The following TMEM108 variants were observed in gnomAD, a reference collection of about 807,000 sequenced individuals.
TMEM108 encodes transmembrane protein 108.
Under a neutral mutation model 35.1 loss-of-function variants are expected in TMEM108, and 12 were observed. The ratio of observed to expected loss-of-function variants is 0.34; its 90% CI spans 0.22 to 0.55. The LOEUF is 0.55. TMEM108 is among the 20% of genes least tolerant of loss of function. The pLI is 0.89. For synonymous variants in TMEM108, 287 were observed against 308.6 expected (o/e 0.93, Z 0.73); for missense variants, 680 against 753.3 (o/e 0.90, Z 1.14).
chr3:133,213,593 T>G (rs1294849268), intron 2 of TMEM108, among the ~76,000 whole-genome samples: 1 of 152,202 alleles, frequency 6.6e-6, no homozygotes, highest in Non-Finnish European at 1.5e-5. Flanking sequence ...TTGCAGTGAG[T>G]GACAGATGAA....
chr3:133,206,168 C>T (rs895683892), intron 2 of TMEM108, among the ~76,000 whole-genome samples: 1 of 152,218 alleles, frequency 6.6e-6, no homozygotes, highest in Non-Finnish European at 1.5e-5. Context: ...ATGTTCTTCT[C>T]TAAACTGGTT....
At chr3:133,239,072 A>G (rs1273384263) in intron 3 of TMEM108, among the ~76,000 whole-genome samples, 1 of 152,070 alleles carries the variant, frequency 6.6e-6, no homozygotes, top group Non-Finnish European at 1.5e-5. Context: ...ACCACAAATT[A>G]TTTTCCAAAT....
At chr3:133,262,639 G>A (rs1009402843) in intron 3 of TMEM108, among the ~76,000 whole-genome samples, 1 of 152,220 alleles carries the variant, frequency 6.6e-6, no homozygotes, top group Non-Finnish European at 1.5e-5. Context: ...GCTACTAACT[G>A]TCATTAGAGA....
chr3:133,309,762 G>A (rs1440731333), intron 3 of TMEM108, among the ~76,000 whole-genome samples: 2 of 128,076 alleles, frequency 1.6e-5, no homozygotes, highest in South Asian at 2.6e-4. Context: ...GTGCAGTGGC[G>A]GGATCTCGGC....
At chr3:133,261,503 C>A (rs966312249) in intron 3 of TMEM108, among the ~76,000 whole-genome samples, 1 of 152,196 alleles carries the variant, frequency 6.6e-6, no homozygotes, top group Non-Finnish European at 1.5e-5. Flanking sequence ...CTCTTACTTA[C>A]CTCTTCTCAC....
chr3:133,319,078 G>T (rs2071233262), intron 3 of TMEM108, among the ~76,000 whole-genome samples: 1 of 152,072 alleles, frequency 6.6e-6, no homozygotes, highest in Non-Finnish European at 1.5e-5. Flanking sequence ...ATCACAACTG[G>T]CTTTCCCCCA....
At chr3:133,234,183 T>G (rs1488996977) in intron 3 of TMEM108, among the ~76,000 whole-genome samples, 14 of 152,178 alleles carry the variant, frequency 9.2e-5, no homozygotes, top group East Asian at 5.8e-4. Flanking sequence ...GGTCTAACAT[T>G]TAAGTCTTTA....
chr3:133,086,420 C>T (rs73005575), intron 2 of TMEM108, among the ~76,000 whole-genome samples: 9,534 of 151,994 alleles, frequency 0.063, 1,019 homozygotes, highest in African/African-American at 0.22. Flanking sequence ...GGGTTTTGTA[C>T]CTGTTGAATT....
chr3:133,380,189 A>G lies in TMEM108; in HGVS notation c.478A>G (p.Thr160Ala), dbSNP rs201917377. ...CCGCCCCACCACAGCGCCCCCCCGC[A>G]CTACCACACGCAGGCCCCCCAGGCC... ...TSRPTTAPPR[T>A]TTRRPPRPPG... Residue 160 changes from threonine to alanine, a missense_variant, in exon 4 of 6, where the codon ACT (threonine) becomes GCT (alanine). Around this residue, in one of 3 missense-constraint regions of TMEM108, gnomAD observed 526 missense variants for 532.1 expected, o/e 0.99. Coordinates refer to ENST00000321871, the MANE Select transcript of TMEM108 (RefSeq NM_023943.4). The surrounding 1 kb of genome is among the most constrained non-coding windows in gnomAD (Gnocchi z 5.3). 9 of 1,609,296 alleles carry G rather than the reference A, an allele frequency of 5.6e-6. No homozygotes were observed. Among genetic ancestry groups the G allele is most frequent in the Non-Finnish European group, 7.6e-6 (9 of 1,177,272 alleles).
intron 2 of TMEM108, among the ~76,000 whole-genome samples, chr3:133,114,678 C>T (rs1944266507): frequency 6.6e-6 from 1 of 152,228 alleles, no homozygotes; most frequent in African/African-American, 2.4e-5. Context: ...ATTCAGGCCA[C>T]GGTTACCACC....
At position 133,150,812 on chromosome 3, in the gene TMEM108, G is replaced by A. The variant is rs561309824; in HGVS notation, c.-46-78454G>A. 9.9e-5 allele frequency among the ~76,000 whole-genome samples: 15 copies of A among 152,252 alleles called. No homozygotes were observed. In the South Asian group the frequency reaches 3.1e-3, roughly 32 times the overall value. On this transcript the variant is annotated intron_variant, in intron 2 of 5. Transcript: ENST00000321871. ...TCGATCCAATAAGTACAAGATGGCA[G>A]GAAGACTAGGCCACAGTCAAGAAGA...
At chr3:133,362,731 C>G (rs913939384) in intron 3 of TMEM108, among the ~76,000 whole-genome samples, 1 of 152,206 alleles carries the variant, frequency 6.6e-6, no homozygotes, top group Non-Finnish European at 1.5e-5. Flanking sequence ...ATCCGCTTGT[C>G]ACAAGCTGGC....
rs140956577 is a variant in TMEM108 at position 133,291,866 on chromosome 3, ATC to A, written c.40+62521_40+62522del. ...TCTTGACAAAGTACAGACATACACG[ATC>A]TCTCTACTGCCTTCCTCCCTTCCCA... is the stretch of plus-strand genomic sequence containing the variant. On this transcript the variant is annotated intron_variant, in intron 3 of 5. Coordinates refer to ENST00000321871, the MANE Select transcript of TMEM108 (RefSeq NM_023943.4). Among the ~76,000 whole-genome samples the A allele has an allele frequency of 7.7e-3, 1,173 of 152,228 alleles. 19 individuals carry two copies. The highest frequency in any genetic ancestry group is 0.027 in the African/African-American group (1,113 of 41,536).
At chr3:133,364,104 G>A (rs1016993270) in intron 3 of TMEM108, among the ~76,000 whole-genome samples, 2 of 152,154 alleles carry the variant, frequency 1.3e-5, no homozygotes, top group African/African-American at 4.8e-5. Flanking sequence ...GGTGGCTACT[G>A]TTATAATTCT....
At chr3:133,353,688 GGAAA>G (rs1404208592) in intron 3 of TMEM108, among the ~76,000 whole-genome samples, 1 of 152,148 alleles carries the variant, frequency 6.6e-6, no homozygotes, top group African/African-American at 2.4e-5. Context: ...TTTAGTTGGG[GGAAA>G]GAAAGGTGGT....
At chr3:133,082,454 A>G (rs113192411) in intron 2 of TMEM108, among the ~76,000 whole-genome samples, 1,546 of 152,272 alleles carry the variant, frequency 0.01, 28 homozygotes, top group East Asian at 0.031. Flanking sequence ...CTTAGCCAAC[A>G]TCATTCAATA....
intron 2 of TMEM108, among the ~76,000 whole-genome samples, chr3:133,203,241 GA>G (rs1945698458): frequency 6.6e-6 from 1 of 152,202 alleles, no homozygotes; most frequent in Non-Finnish European, 1.5e-5. Context: ...TCTGCAAACA[GA>G]GACAGTTTGA....
intron 3 of TMEM108, among the ~76,000 whole-genome samples, chr3:133,240,855 G>A (rs1559879014): frequency 6.6e-6 from 1 of 152,124 alleles, no homozygotes; most frequent in East Asian, 1.9e-4. Flanking sequence ...TGGGTTTGCT[G>A]TATTACTATC....
chr3:133,220,892 G>A (rs1244663676), intron 2 of TMEM108, among the ~76,000 whole-genome samples: 1 of 152,220 alleles, frequency 6.6e-6, no homozygotes, highest in African/African-American at 2.4e-5. Flanking sequence ...TAACTTGCTA[G>A]AGTGGCTCAT....
Sources: allele counts gnomAD v4.1 joint callset (sites outside exome capture counted in the v4.1 genomes callset), GRCh38; gene constraint gnomAD v4.1.1; regional missense constraint gnomAD v4.1.1; non-coding constraint Gnocchi (gnomAD v3.1); transcripts MANE v1.5; gene names NCBI Gene and HGNC (gene_info 2026-07-23, HGNC 2026-07-21).